CASS4: variants seen among roughly 807,000 people sequenced by gnomAD.
CASS4 encodes the protein cas scaffolding protein family member 4.
Under a neutral mutation model 54.2 loss-of-function variants are expected in CASS4, and 22 were observed. The observed-to-expected ratio is 0.41, with a 90% confidence interval of 0.29 to 0.58. The LOEUF (loss-of-function observed/expected upper bound fraction) is 0.58. Ranked by LOEUF, CASS4 falls within the 20% of genes least tolerant of loss-of-function variation. The probability of loss-of-function intolerance (pLI) is 0.36; values close to 1 mark genes in which losing one functional copy is unlikely to be tolerated. For synonymous variants in CASS4, 409 were observed against 391.5 expected (o/e 1.04, Z -0.53); for missense variants, 854 against 986.7 (o/e 0.87, Z 1.80).
intron 3 of CASS4, among the ~76,000 whole-genome samples, chr20:56,450,370 C>G (rs966670930): frequency 6.6e-6 from 1 of 152,162 alleles, no homozygotes; most frequent in Non-Finnish European, 1.5e-5. Context: ...AATGTATACC[C>G]TGTTATGGGA....
intron 1 of CASS4, among the ~76,000 whole-genome samples, chr20:56,426,502 G>A (rs760033219): frequency 1.1e-4 from 17 of 152,222 alleles, no homozygotes; most frequent in Middle Eastern, 3.4e-3. Flanking sequence ...GGGCTACATT[G>A]AATCTAAAAG....
At chr20:56,426,950 G>A (rs1210129054) in intron 1 of CASS4, among the ~76,000 whole-genome samples, 1 of 152,122 alleles carries the variant, frequency 6.6e-6, no homozygotes, top group South Asian at 2.1e-4. Flanking sequence ...TGAGAAGTCT[G>A]TATTGTTATG....
At chr20:56,448,786 T>C (rs902062184) in intron 3 of CASS4, among the ~76,000 whole-genome samples, 1 of 152,184 alleles carries the variant, frequency 6.6e-6, no homozygotes, top group Non-Finnish European at 1.5e-5. Context: ...ATATATAATA[T>C]GTTATGTCAT....
At position 56,459,619 on chromosome 20, in the gene CASS4, A is replaced by C. The variant is rs182966397; in HGVS notation, c.*872A>C. 1 of 169,628 alleles carries C rather than the reference A, an allele frequency of 5.9e-6. No homozygotes were observed. The highest frequency in any genetic ancestry group is 1.4e-5 in the Non-Finnish European group (1 of 72,714). 10.5% of individuals were successfully genotyped at this position (169,628 alleles called of 1,614,324 possible). A position where few individuals can be genotyped will look rare whatever the true frequency, so the allele number is the denominator to read the frequency against. The stretch of plus-strand genomic sequence containing the variant: ...AGAGTCAAGCACACACCACAATGGC[A>C]GAGAAAGGAAGAGCTAATTTTTGTA... On this transcript the variant is annotated 3_prime_UTR_variant, in exon 6 of 6. Transcript: ENST00000679887.
At chr20:56,448,290 A>T (rs1036318815) in intron 3 of CASS4, among the ~76,000 whole-genome samples, 7 of 152,146 alleles carry the variant, frequency 4.6e-5, no homozygotes, top group African/African-American at 1.4e-4. Context: ...TATGATTTTT[A>T]AAAATATTGC....
At position 56,419,992 on chromosome 20, in the gene CASS4, G is replaced by A. The variant is rs138914750; in HGVS notation, c.36+7498G>A. Among the ~76,000 whole-genome samples the A allele has an allele frequency of 4.3e-3, 656 of 152,200 alleles. 6 individuals carry two copies. The highest frequency in any genetic ancestry group is 0.015 in the African/African-American group (608 of 41,536). ...CAGGAGGCGGAGGTTGTGGTGAGCCGAAATCACGCCATTGCACTCCAGCCT... is the reference window on the plus strand; with the variant it reads ...CAGGAGGCGGAGGTTGTGGTGAGCCAAAATCACGCCATTGCACTCCAGCCT... On this transcript the variant is annotated intron_variant, in intron 1 of 5. Transcript: ENST00000679887.
intron 3 of CASS4, 124 bp from the exon 4 acceptor site, chr20:56,450,475 A>G (rs1418916579): frequency 7.1e-6 from 6 of 845,328 alleles, no homozygotes; most frequent in Admixed American, 2.3e-5. Context: ...GACCAAAAGC[A>G]CCGAAAAGTC....
At chr20:56,432,879 C>T (rs77988969) in intron 1 of CASS4, among the ~76,000 whole-genome samples, 4,047 of 140,780 alleles carry the variant, frequency 0.029, 88 homozygotes, top group African/African-American at 0.058. Flanking sequence ...TACCGAAGGT[C>T]ATCCAAAAGT....
chr20:56,424,505 T>C (rs943932246), intron 1 of CASS4, among the ~76,000 whole-genome samples: 6 of 151,462 alleles, frequency 4.0e-5, no homozygotes, highest in South Asian at 2.1e-4. Flanking sequence ...CTTTGGGAGG[T>C]CAAGGCGGGT....
rs1173228773 is a variant in CASS4 at position 56,414,684 on chromosome 20, C to T, written c.36+2190C>T. 6.6e-6 allele frequency among the ~76,000 whole-genome samples: 1 copy of T among 152,160 alleles called. No individual in the cohort carries two copies. The highest frequency in any genetic ancestry group is 2.4e-5 in the African/African-American group (1 of 41,422). On this transcript the variant is annotated intron_variant, in intron 1 of 5. Coordinates refer to ENST00000679887, the MANE Select transcript of CASS4 (RefSeq NM_020356.4). The surrounding 1 kb of genome is among the most constrained non-coding windows in gnomAD (Gnocchi z 4.1). The stretch of plus-strand genomic sequence containing the variant: ...TATACAGATAGGCCGGGAGCGGTGG[C>T]TCATGCCTGTAATCCCACCACTTTC...
At chr20:56,443,351 C>A (rs1980550100) in intron 2 of CASS4, among the ~76,000 whole-genome samples, 1 of 151,066 alleles carries the variant, frequency 6.6e-6, no homozygotes, top group African/African-American at 2.5e-5. Flanking sequence ...CACCTGTAAT[C>A]CCAGCTACTC....
chr20:56,421,334 C>T (rs1979400991), intron 1 of CASS4, among the ~76,000 whole-genome samples: 1 of 152,118 alleles, frequency 6.6e-6, no homozygotes, highest in African/African-American at 2.4e-5. Context: ...GTTATTTTAC[C>T]TAAAAAATTG....
At position 56,452,753 on chromosome 20, in the gene CASS4, C is replaced by T. The variant is rs1185304167; in HGVS notation, c.1577C>T (p.Ser526Phe). 1 of 1,614,064 alleles carries T rather than the reference C, an allele frequency of 6.2e-7. No individual in the cohort carries two copies. The highest frequency in any genetic ancestry group is 1.7e-5 in the Admixed American group (1 of 60,000). ...IRDQMQTISN[S>F]YRILLETKES... is the part of the protein sequence containing the mutation. ...GACCAGATGCAGACCATCTCCAACT[C>T]CTACCGCATCCTGCTTGAAACAAAG... The change falls in exon 5 of 6, where the codon TCC becomes TTC. Residue 526 changes from serine to phenylalanine, a missense_variant. Transcript: ENST00000679887.
rs1237249198 is a variant in CASS4 at position 56,452,853 on chromosome 20, T to A, written c.1677T>A (p.Leu559=). Residue 559 remains leucine (L), a synonymous_variant, in exon 5 of 6, where the codon CTT becomes CTA. Transcript: ENST00000679887. ...TDSVQNSPDD[L]ERFVMVARML... ...GTGTCCAGAACAGCCCAGATGACCTTGAGAGGTTTGTCATGGTGGCACGGA... is the reference window on the plus strand; with the variant it reads ...GTGTCCAGAACAGCCCAGATGACCTAGAGAGGTTTGTCATGGTGGCACGGA... 6.2e-7 allele frequency: 1 copy of A among 1,613,874 alleles called. No homozygotes were observed. Among genetic ancestry groups the A allele is most frequent in the Non-Finnish European group, 8.5e-7 (1 of 1,179,988 alleles).
intron 1 of CASS4, among the ~76,000 whole-genome samples, chr20:56,422,974 C>A (rs1039308960): frequency 6.6e-6 from 1 of 152,162 alleles, no homozygotes; most frequent in Non-Finnish European, 1.5e-5. Context: ...GGGAGGGAAC[C>A]AATGGGAGTG....
intron 5 of CASS4, among the ~76,000 whole-genome samples, chr20:56,457,547 AAAAT>A (rs1244171920): frequency 3.3e-5 from 5 of 152,226 alleles, no homozygotes; most frequent in South Asian, 2.1e-4. Context: ...GGCAAAAAAT[AAAAT>A]AAATAATATT....
intron 1 of CASS4, among the ~76,000 whole-genome samples, chr20:56,417,630 T>C (rs1362729769): frequency 6.6e-6 from 1 of 152,218 alleles, no homozygotes; most frequent in Non-Finnish European, 1.5e-5. Context: ...CTGCACAAAG[T>C]AGTTGCTCAA....
In CASS4 at chr20:56,437,350, G is replaced by C; in HGVS notation, c.223G>C (p.Ala75Pro). Residue 75 changes from alanine (A) to proline (P), a missense_variant, in exon 2 of 6, where the codon GCT becomes CCT. Coordinates refer to ENST00000679887, the MANE Select transcript of CASS4 (RefSeq NM_020356.4). The surrounding 1 kb of genome is among the most constrained non-coding windows in gnomAD (Gnocchi z 4.7). The stretch of plus-strand genomic sequence containing the variant: ...CCGCCTCCAAATCCTCACGGAGGTC[G>C]CTGCAGACAGGCCGTGCCCCCCATT... Reference protein sequence around the residue: ...ANRLQILTEVAADRPCPPFLR... With the variant: ...ANRLQILTEVPADRPCPPFLR... 2.5e-6 allele frequency: 4 copies of C among 1,614,032 alleles called. No homozygotes were observed. The highest frequency in any genetic ancestry group is 3.4e-6 in the Non-Finnish European group (4 of 1,179,960).
chr20:56,440,538 C>T (rs900010065), intron 2 of CASS4, among the ~76,000 whole-genome samples: 2 of 152,162 alleles, frequency 1.3e-5, no homozygotes, highest in Non-Finnish European at 2.9e-5. Context: ...CTGCTCATGC[C>T]ACTCAATACA....
Sources: allele counts gnomAD v4.1 joint callset (sites outside exome capture counted in the v4.1 genomes callset), GRCh38; gene constraint gnomAD v4.1.1; non-coding constraint Gnocchi (gnomAD v3.1); transcripts MANE v1.5; gene names NCBI Gene and HGNC (gene_info 2026-07-23, HGNC 2026-07-21).